TMPRSS15: variants seen among roughly 807,000 people sequenced by gnomAD.
TMPRSS15 encodes the protein transmembrane serine protease 15.
Under a neutral mutation model 125.3 loss-of-function variants are expected in TMPRSS15, and 128 were observed. That is an observed-to-expected ratio of 1.02 (90% CI 0.89 to 1.18). The LOEUF is 1.18. Ranked by LOEUF, TMPRSS15 falls within the 50% of genes most tolerant of loss-of-function variation. The pLI is 0.00. For synonymous variants in TMPRSS15, 446 were observed against 423.2 expected (o/e 1.05, Z -0.66); for missense variants, 1,283 against 1,212.7 (o/e 1.06, Z -0.86).
chr21:18,407,260 T>C (rs2076154207), upstream of TMPRSS15, among the ~76,000 whole-genome samples: 2 of 152,168 alleles, frequency 1.3e-5, no homozygotes, highest in East Asian at 3.9e-4. Flanking sequence ...CACATAAACT[T>C]TGACACAGTT....
intron 6 of TMPRSS15, among the ~76,000 whole-genome samples, chr21:18,371,729 G>A (rs1044197528): frequency 6.6e-6 from 1 of 152,104 alleles, no homozygotes; most frequent in Non-Finnish European, 1.5e-5. Flanking sequence ...ATGGTGCTCA[G>A]TGAGTTAGGT....
At position 18,275,226 on chromosome 21, in the gene TMPRSS15, AG is replaced by A; in HGVS notation, c.2874del (p.Tyr959MetfsTer6). 1 of 1,614,100 alleles carries A rather than the reference AG, an allele frequency of 6.2e-7. No homozygotes were observed. Among genetic ancestry groups the A allele is most frequent in the Non-Finnish European group, 8.5e-7 (1 of 1,179,982 alleles). On this transcript the variant is annotated frameshift_variant, in exon 24 of 25. Transcript: ENST00000284885. LOFTEE classifies it high-confidence loss of function. The part of the protein sequence containing the change: ...YNITENMICA[G>X]YEEGGIDSCQ... ...CAAGAATCTATTCCTCCTTCTTCAT[AG>A]CCTGCACATATCATATTTTCAGTAA... is the stretch of plus-strand genomic sequence containing the variant.
At chr21:18,369,417 T>A (rs764891866) in intron 6 of TMPRSS15, among the ~76,000 whole-genome samples, 1 of 152,188 alleles carries the variant, frequency 6.6e-6, no homozygotes, top group African/African-American at 2.4e-5. Flanking sequence ...ATCAGCATCT[T>A]TCCTTTTCAT....
chr21:18,380,167 T>TCACACACACACA (rs34787707), intron 4 of TMPRSS15, among the ~76,000 whole-genome samples: 71 of 139,510 alleles, frequency 5.1e-4, no homozygotes, highest in Non-Finnish European at 8.4e-4. Flanking sequence ...TATGGAGATG[T>TCACACACACACA]CACACACACA....
intron 16 of TMPRSS15, among the ~76,000 whole-genome samples, chr21:18,318,427 A>C (rs1474551571): frequency 6.6e-6 from 1 of 152,182 alleles, no homozygotes; most frequent in Non-Finnish European, 1.5e-5. Context: ...TAAATAAATA[A>C]AAATAAAAAC....
At chr21:18,328,962 G>A (rs1352309321) in intron 15 of TMPRSS15, among the ~76,000 whole-genome samples, 1 of 152,138 alleles carries the variant, frequency 6.6e-6, no homozygotes, top group Non-Finnish European at 1.5e-5. Flanking sequence ...GTCCTGCTTT[G>A]TGAAGAACGT....
intron 1 of TMPRSS15, among the ~76,000 whole-genome samples, chr21:18,450,685 T>C (rs2076266278): frequency 6.8e-6 from 1 of 147,782 alleles, no homozygotes; most frequent in Admixed American, 6.6e-5. Flanking sequence ...CTTCTTCTTT[T>C]GGGAAAAAAA....
chr21:18,370,075 CA>C (rs1167200727), intron 6 of TMPRSS15, among the ~76,000 whole-genome samples: 1 of 150,444 alleles, frequency 6.6e-6, no homozygotes, highest in Non-Finnish European at 1.5e-5. Flanking sequence ...GTTCAATTAA[CA>C]AAAAATCTTC....
chr21:18,278,920 T>C (rs1180075179), intron 23 of TMPRSS15, 44 bp downstream of exon 23: 4 of 986,226 alleles, frequency 4.1e-6, no homozygotes, highest in Middle Eastern at 2.9e-4. Context: ...TTTTCACCAG[T>C]AAGGTTTTTT....
chr21:18,345,341 A>G (rs1208582826), intron 10 of TMPRSS15, among the ~76,000 whole-genome samples: 1 of 152,174 alleles, frequency 6.6e-6, no homozygotes, highest in African/African-American at 2.4e-5. Context: ...GCCTAGATAC[A>G]GAAGAGAGGT....
At chr21:18,464,903 C>A (rs1266093489) in intron 1 of TMPRSS15, among the ~76,000 whole-genome samples, 2 of 152,178 alleles carry the variant, frequency 1.3e-5, no homozygotes, top group Non-Finnish European at 2.9e-5. Context: ...CTCCCTAACT[C>A]ATTTCTTGAG....
At chr21:18,390,776 C>T (rs1364976516) in intron 3 of TMPRSS15, among the ~76,000 whole-genome samples, 1 of 151,938 alleles carries the variant, frequency 6.6e-6, no homozygotes, top group Non-Finnish European at 1.5e-5. Flanking sequence ...AATGAGAGTG[C>T]CAGTATATTA....
intron 8 of TMPRSS15, among the ~76,000 whole-genome samples, chr21:18,359,001 A>C (rs568096748): frequency 5.3e-5 from 8 of 152,170 alleles, no homozygotes; most frequent in African/African-American, 1.9e-4. Flanking sequence ...TAGAACAGTT[A>C]ACTATTTCTC....
intron 1 of TMPRSS15, among the ~76,000 whole-genome samples, chr21:18,471,597 T>C (rs1227725012): frequency 6.6e-6 from 1 of 152,132 alleles, no homozygotes; most frequent in African/African-American, 2.4e-5. Context: ...GTATGTGGGA[T>C]AGACACGGTG....
At chr21:18,438,684 T>C (rs2076234858) in intron 1 of TMPRSS15, among the ~76,000 whole-genome samples, 1 of 152,200 alleles carries the variant, frequency 6.6e-6, no homozygotes, top group Non-Finnish European at 1.5e-5. Context: ...AAGCTATACC[T>C]GGCCCTGAGT....
chr21:18,428,769 G>A lies in TMPRSS15; in HGVS notation c.11-30440C>T, dbSNP rs373890874. 7.2e-5 allele frequency among the ~76,000 whole-genome samples: 11 copies of A among 152,292 alleles called. No individual in the cohort carries two copies. The East Asian group carries it at 2.1e-3, about 29-fold the overall frequency. On this transcript the variant is annotated intron_variant, in intron 1 of 7. Transcript: ENST00000422787. ...CCAGGCAGAAGTTTGCTGCAGGGTG[G>A]GGCGCTCATGGAGAACCTCTGCTAG...
chr21:18,304,023 GTGGTGAAAACCT>G (rs1437589921), intron 18 of TMPRSS15, among the ~76,000 whole-genome samples: 2 of 152,286 alleles, frequency 1.3e-5, no homozygotes, highest in South Asian at 2.1e-4. Context: ...CCGTCTGTGG[GTGGTGAAAACCT>G]TGCTATGGAT....
intron 18 of TMPRSS15, among the ~76,000 whole-genome samples, chr21:18,306,503 T>C (rs2075040869): frequency 6.6e-6 from 1 of 152,182 alleles, no homozygotes; most frequent in Admixed American, 6.5e-5. Context: ...AATGTAAGGC[T>C]CAATTTGATG....
intron 1 of TMPRSS15, among the ~76,000 whole-genome samples, chr21:18,420,473 C>A (rs760528837): frequency 6.6e-6 from 1 of 152,030 alleles, no homozygotes; most frequent in African/African-American, 2.4e-5. Context: ...CAAGTTGTAG[C>A]GAAGGTTAAA....
Sources: allele counts gnomAD v4.1 joint callset (sites outside exome capture counted in the v4.1 genomes callset), GRCh38; gene constraint gnomAD v4.1.1; transcripts MANE v1.5; gene names NCBI Gene and HGNC (gene_info 2026-07-23, HGNC 2026-07-21).